Variants in METTL25 observed in about 807,000 individuals in gnomAD.
METTL25 encodes the protein methyltransferase like 25, also known as probable methyltransferase-like protein 25.
Under a neutral mutation model 71.6 loss-of-function variants are expected in METTL25, and 64 were observed. The ratio of observed to expected loss-of-function variants is 0.89; its 90% CI spans 0.73 to 1.10. The LOEUF is 1.10. METTL25 is among the 50% of genes least tolerant of loss of function. The pLI is 0.00. For missense variants in METTL25, 807 were observed against 707.0 expected (o/e 1.14, Z -1.60); for synonymous variants, 287 against 250.3 (o/e 1.15, Z -1.38).
chr12:82,425,353 G>A (rs1021254762), intron 5 of METTL25, among the ~76,000 whole-genome samples: 1 of 152,018 alleles, frequency 6.6e-6, no homozygotes, highest in African/African-American at 2.4e-5. Context: ...TTTGTTCAAA[G>A]AAAGTATTAA....
intron 8 of METTL25, among the ~76,000 whole-genome samples, chr12:82,443,792 A>G (rs889709937): frequency 6.9e-6 from 1 of 144,594 alleles, no homozygotes; most frequent in Non-Finnish European, 1.5e-5. Flanking sequence ...TTTAACAACC[A>G]GGTCTTGTGG....
At chr12:82,476,471 T>C in intron 9 of METTL25, 173 bp from the exon 10 acceptor site, 1 of 556,438 alleles carries the variant, frequency 1.8e-6, no homozygotes, top group South Asian at 2.6e-5. Flanking sequence ...TGTAAAAATT[T>C]TAAGTAATTT....
intron 9 of METTL25, among the ~76,000 whole-genome samples, chr12:82,471,436 T>A (rs1892562465): frequency 6.6e-6 from 1 of 152,238 alleles, no homozygotes; most frequent in African/African-American, 2.4e-5. Flanking sequence ...TCTGGGAATA[T>A]GGTTGGCTTT....
intron 8 of METTL25, among the ~76,000 whole-genome samples, chr12:82,441,298 A>G (rs933958200): frequency 2.0e-5 from 3 of 150,958 alleles, no homozygotes; most frequent in Non-Finnish European, 3.0e-5. Flanking sequence ...CATCTTATAT[A>G]TATATATATA....
intron 2 of METTL25, 54 bp downstream of exon 2, chr12:82,387,021 C>A: frequency 1.4e-6 from 2 of 1,424,790 alleles, no homozygotes; most frequent in Admixed American, 1.9e-5. Context: ...AGAAGCAATA[C>A]TTTGTTCATA....
intron 8 of METTL25, among the ~76,000 whole-genome samples, chr12:82,452,470 G>A (rs767508074): frequency 1.3e-5 from 2 of 152,126 alleles, no homozygotes; most frequent in African/African-American, 4.8e-5. Flanking sequence ...GCCACTGCAC[G>A]CCTGCCTGGC....
intron 6 of METTL25, among the ~76,000 whole-genome samples, chr12:82,432,495 A>C (rs138898970): frequency 2.3e-3 from 349 of 151,860 alleles, no homozygotes; most frequent in African/African-American, 8.0e-3. Context: ...AATGTAGACT[A>C]TCTAAAAGAA....
chr12:82,362,375 A>G (rs1458996657), intron 1 of METTL25, among the ~76,000 whole-genome samples: 1 of 152,208 alleles, frequency 6.6e-6, no homozygotes, highest in Non-Finnish European at 1.5e-5. Flanking sequence ...CTCGTTGTAC[A>G]TTAGTTCCTC....
At chr12:82,457,481 C>G (rs1891572675) in intron 9 of METTL25, among the ~76,000 whole-genome samples, 1 of 151,860 alleles carries the variant, frequency 6.6e-6, no homozygotes, top group Admixed American at 6.6e-5. Context: ...GAAAATGTTA[C>G]AAGGACATAA....
At position 82,411,621 on chromosome 12, in the gene METTL25, T is replaced by G. The variant is rs201587254; in HGVS notation, c.1279+8491T>G. Among the ~76,000 whole-genome samples, 3 of 152,030 alleles carry G rather than the reference T, an allele frequency of 2.0e-5. No homozygotes were observed. In the East Asian group the frequency reaches 5.8e-4, roughly 29 times the overall value. ...AGAAACAAAGGTATTTGATGAGACA[T>G]CTCCAGAAGAAATAATTATATTGAC... is the stretch of plus-strand genomic sequence containing the variant. On this transcript the variant is annotated intron_variant, in intron 5 of 11. Transcript: ENST00000248306.
Position 82,399,034 on chromosome 12 carries a change from T to C in METTL25, c.771T>C (p.Asp257=). ...KVQNKVKNKA[D]TEEVFNNSPT... ...AAAATAAAGTTAAAAATAAAGCTGA[T>C]ACTGAGGAAGTGTTTAACAACAGTC... The change falls in exon 4 of 12, where the codon GAT becomes GAC. Residue 257 remains aspartate, a synonymous_variant. Transcript: ENST00000248306. The C allele has an allele frequency of 6.2e-7, 1 of 1,612,008 alleles. No individual in the cohort carries two copies. Among genetic ancestry groups the C allele is most frequent in the African/African-American group, 1.3e-5 (1 of 74,962 alleles).
At chr12:82,387,440 A>T (rs1252812075) in intron 2 of METTL25, among the ~76,000 whole-genome samples, 1 of 152,084 alleles carries the variant, frequency 6.6e-6, no homozygotes, top group Non-Finnish European at 1.5e-5. Flanking sequence ...TATCTATAAT[A>T]ATATTCAATG....
At chr12:82,425,055 T>G (rs1259647922) in intron 5 of METTL25, among the ~76,000 whole-genome samples, 1 of 152,062 alleles carries the variant, frequency 6.6e-6, no homozygotes, top group African/African-American at 2.4e-5. Context: ...AATACAAGAA[T>G]TATCATTGTG....
At chr12:82,456,922 AT>A in intron 9 of METTL25, 102 bp downstream of exon 9, 1 of 500,580 alleles carries the variant, frequency 2.0e-6, no homozygotes. Flanking sequence ...ATTTTCTCTC[AT>A]TTGTGAAAAG....
intron 9 of METTL25, among the ~76,000 whole-genome samples, chr12:82,473,875 T>G (rs1372828345): frequency 1.3e-5 from 2 of 152,114 alleles, no homozygotes. Flanking sequence ...CCCATGCAGC[T>G]TAGGTTGTGG....
At chr12:82,438,823 A>G in intron 8 of METTL25, 32 bp downstream of exon 8, 1 of 1,487,914 alleles carries the variant, frequency 6.7e-7, no homozygotes, top group Non-Finnish European at 9.1e-7. Context: ...AAGAATAACT[A>G]TGTTATATTG....
chr12:82,380,451 AGTT>A (rs1884331406), intron 1 of METTL25, among the ~76,000 whole-genome samples: 1 of 151,994 alleles, frequency 6.6e-6, no homozygotes, highest in Non-Finnish European at 1.5e-5. Context: ...ATATATATGT[AGTT>A]AAGTACATAA....
intron 9 of METTL25, among the ~76,000 whole-genome samples, chr12:82,461,092 A>G (rs1292058421): frequency 3.3e-5 from 5 of 152,124 alleles, no homozygotes; most frequent in Admixed American, 6.5e-5. Context: ...GCAGTGAGCC[A>G]AGATCGTGCC....
intron 4 of METTL25, among the ~76,000 whole-genome samples, chr12:82,402,594 A>T (rs1299833767): frequency 2.0e-5 from 3 of 152,212 alleles, no homozygotes; most frequent in Non-Finnish European, 4.4e-5. Context: ...ATGAAAATAA[A>T]AACATAGAAT....
Sources: gnomAD v4.1 joint callset for allele counts (sites outside exome capture counted in the v4.1 genomes callset) on GRCh38, gnomAD v4.1.1 for gene constraint, MANE v1.5 for transcripts, NCBI Gene and HGNC (gene_info 2026-07-23, HGNC 2026-07-21) for gene names.